CELSR1: variants seen among roughly 807,000 people sequenced by gnomAD.
The protein encoded by CELSR1 is cadherin EGF LAG seven-pass G-type receptor 1.
In CELSR1, 110 loss-of-function variants were observed where a neutral mutation model predicts 249.1. The observed-to-expected ratio is 0.44, with a 90% CI of 0.38 to 0.52. The LOEUF is 0.52. Among genes scored for constraint, CELSR1 ranks in the 20% least tolerant of loss-of-function variants. CELSR1 has a pLI of 0.00. For synonymous variants in CELSR1, 2,113 were observed against 1,900.0 expected (o/e 1.11, Z -2.92); for missense variants, 4,109 against 4,296.4 (o/e 0.96, Z 1.22).
chr22:46,528,100 CAA>C (rs552037712), intron 1 of CELSR1, among the ~76,000 whole-genome samples: 21 of 81,674 alleles, frequency 2.6e-4, no homozygotes, highest in Admixed American at 3.9e-4. Context: ...AAGACTGTCT[CAA>C]AAAAAAAAAA....
chr22:46,399,514 C>T lies in CELSR1; in HGVS notation c.5412+203G>A, dbSNP rs1237453812. 2.0e-5 allele frequency among the ~76,000 whole-genome samples: 3 copies of T among 152,124 alleles called. No individual in the cohort carries two copies. Among genetic ancestry groups the T allele is most frequent in the East Asian group, 1.9e-4 (1 of 5,200 alleles). The stretch of plus-strand genomic sequence containing the variant: ...GAAGTCAGCTGCTGACTGCCGGGGG[C>T]GGGGCATCCGGATGAAGGAGGTGAG... On this transcript the variant is annotated intron_variant, in intron 10 of 34. Transcript: ENST00000674500. This position sits in a 1 kb window ranked among gnomAD's most constrained non-coding sequence, Gnocchi z 5.0.
In CELSR1 at chr22:46,395,341, C is replaced by T. The variant is rs894368606; in HGVS notation, c.5844-1079G>A. On this transcript the variant is annotated intron_variant, in intron 13 of 34. Transcript: ENST00000674500. The surrounding 1 kb of genome is among the most constrained non-coding windows in gnomAD (Gnocchi z 5.5). ...GGTCCTGCCACTTTAGTGCTGGGCCCCCACGGCCTCCACACAGCCGAATTC... is the reference window on the plus strand; with the variant it reads ...GGTCCTGCCACTTTAGTGCTGGGCCTCCACGGCCTCCACACAGCCGAATTC... Among the ~76,000 whole-genome samples, 2 of 152,170 alleles carry T rather than the reference C, an allele frequency of 1.3e-5. No homozygotes were observed. Among genetic ancestry groups the T allele is most frequent in the African/African-American group, 4.8e-5 (2 of 41,438 alleles).
intron 1 of CELSR1, among the ~76,000 whole-genome samples, chr22:46,531,575 T>C (rs183998498): frequency 6.6e-6 from 1 of 152,330 alleles, no homozygotes; most frequent in Admixed American, 6.5e-5. Flanking sequence ...GTCAAAAATG[T>C]TCTCCAAAGG....
Position 46,445,749 on chromosome 22 carries a change from G to A in CELSR1, c.4184-6338C>T, listed in dbSNP as rs1446701365. ...AACCCGGTGCCCCGAGAGCAGCAGC[G>A]CCTGGCTGGCAGAGCCTTTCCCGTC... On this transcript the variant is annotated intron_variant, in intron 2 of 34. Coordinates refer to ENST00000674500, the MANE Select transcript of CELSR1 (RefSeq NM_001378328.1). This position sits in a 1 kb window ranked among gnomAD's most constrained non-coding sequence, Gnocchi z 4.4. 2.0e-5 allele frequency among the ~76,000 whole-genome samples: 3 copies of A among 152,176 alleles called. No individual in the cohort carries two copies. The highest frequency in any genetic ancestry group is 4.8e-5 in the African/African-American group (2 of 41,438).
intron 2 of CELSR1, among the ~76,000 whole-genome samples, chr22:46,460,284 G>C (rs1465514429): frequency 6.6e-6 from 1 of 152,112 alleles, no homozygotes; most frequent in Non-Finnish European, 1.5e-5. Flanking sequence ...CACCCAGCAT[G>C]GGGGTGGACC....
chr22:46,480,037 G>A (rs1311481049), intron 1 of CELSR1, among the ~76,000 whole-genome samples: 1 of 152,166 alleles, frequency 6.6e-6, no homozygotes, highest in Non-Finnish European at 1.5e-5. Context: ...TCCAAATCCA[G>A]TACTTCATAA....
intron 1 of CELSR1, among the ~76,000 whole-genome samples, chr22:46,481,996 C>T (rs1382282987): frequency 6.6e-6 from 1 of 152,194 alleles, no homozygotes; most frequent in African/African-American, 2.4e-5. Flanking sequence ...TGGTCTCGAA[C>T]TCCTGAGCTC....
At chr22:46,421,570 T>C (rs1034241923) in intron 5 of CELSR1, among the ~76,000 whole-genome samples, 4 of 152,032 alleles carry the variant, frequency 2.6e-5, no homozygotes, top group African/African-American at 9.7e-5. Context: ...TCACATCACA[T>C]AGCAGCATCG....
chr22:46,447,204 A>C lies in CELSR1; in HGVS notation c.4184-7793T>G, dbSNP rs1179483151. On this transcript the variant is annotated intron_variant, in intron 2 of 34. Transcript: ENST00000674500. The surrounding 1 kb of genome is among the most constrained non-coding windows in gnomAD (Gnocchi z 4.7). Reference sequence around the variant, plus strand: ...AAGAGATGTGATATGACAGATTTTTAATTCTAAAATCATCTGAAGGTAAAT... The same window carrying C: ...AAGAGATGTGATATGACAGATTTTTCATTCTAAAATCATCTGAAGGTAAAT... 1.3e-5 allele frequency among the ~76,000 whole-genome samples: 2 copies of C among 152,174 alleles called. No individual in the cohort carries two copies. Among genetic ancestry groups the C allele is most frequent in the East Asian group, 3.9e-4 (2 of 5,184 alleles).
chr22:46,523,949 G>A (rs1362568525), intron 1 of CELSR1, among the ~76,000 whole-genome samples: 5 of 152,046 alleles, frequency 3.3e-5, no homozygotes, highest in South Asian at 2.1e-4. Flanking sequence ...TGCCACTGTC[G>A]CCCACCCCCA....
At chr22:46,481,284 T>C in intron 1 of CELSR1, 1 of 470,974 alleles carries the variant, frequency 2.1e-6, no homozygotes, top group Non-Finnish European at 3.9e-6. Context: ...TTATAAAAAA[T>C]ACATTATTGC....
In CELSR1 at chr22:46,445,300, C is replaced by A. The variant is rs2079805752; in HGVS notation, c.4184-5889G>T. Reference sequence around the variant, plus strand: ...CCTGAGGTCAGGAGTTCGAGACCAGCCTGGCCAATGTGACAAAACCCCGTC... The same window carrying A: ...CCTGAGGTCAGGAGTTCGAGACCAGACTGGCCAATGTGACAAAACCCCGTC... On this transcript the variant is annotated intron_variant, in intron 2 of 34. Transcript: ENST00000674500. The surrounding 1 kb of genome is among the most constrained non-coding windows in gnomAD (Gnocchi z 4.4). 2.0e-5 allele frequency among the ~76,000 whole-genome samples: 3 copies of A among 152,110 alleles called. No individual in the cohort carries two copies. In the South Asian group the frequency reaches 6.2e-4, roughly 32 times the overall value.
intron 1 of CELSR1, among the ~76,000 whole-genome samples, chr22:46,494,346 T>C (rs2080394365): frequency 1.3e-5 from 2 of 152,182 alleles, no homozygotes; most frequent in Non-Finnish European, 2.9e-5. Context: ...AGAATCAGAT[T>C]GTCAATTTTT....
Position 46,446,562 on chromosome 22 carries a change from G to A in CELSR1, c.4184-7151C>T, listed in dbSNP as rs2079823200. On this transcript the variant is annotated intron_variant, in intron 2 of 34. Transcript: ENST00000674500. This position sits in a 1 kb window ranked among gnomAD's most constrained non-coding sequence, Gnocchi z 5.5. ...AGCGAGTGCCGAATAAATGCCTGGT[G>A]TGTGCAGGGCATATGCTGAGCACCT... Among the ~76,000 whole-genome samples, 1 of 152,118 alleles carries A rather than the reference G, an allele frequency of 6.6e-6. No homozygotes were observed. Among genetic ancestry groups the A allele is most frequent in the Non-Finnish European group, 1.5e-5 (1 of 68,042 alleles).
In CELSR1 at chr22:46,536,512, G is replaced by C; in HGVS notation, c.659C>G (p.Pro220Arg). Residue 220 changes from proline (P) to arginine (R), a missense_variant, in exon 1 of 35, where the codon CCG becomes CGG. Around this residue, in one of 7 missense-constraint regions of CELSR1, gnomAD observed 673 missense variants for 636.8 expected, o/e 1.06. Coordinates refer to ENST00000674500, the MANE Select transcript of CELSR1 (RefSeq NM_001378328.1). The stretch of plus-strand genomic sequence containing the variant: ...CCCCGCCCGGGCTTCGGGCAAGTTC[G>C]GCGGCAGGGGCGGCGATGGGGATGG... Reference protein sequence around the residue: ...ASPSPSPPLPPNLPEARAGPA... With the variant: ...ASPSPSPPLPRNLPEARAGPA... 2.0e-6 allele frequency: 3 copies of C among 1,496,458 alleles called. No homozygotes were observed. The highest frequency in any genetic ancestry group is 2.7e-6 in the Non-Finnish European group (3 of 1,127,728). 92.7% of individuals were successfully genotyped at this position (1,496,458 alleles called of 1,614,324 possible).
intron 1 of CELSR1, among the ~76,000 whole-genome samples, chr22:46,483,378 T>C (rs920311959): frequency 2.1e-5 from 3 of 145,726 alleles, no homozygotes; most frequent in Admixed American, 1.4e-4. Context: ...AAACATGCTA[T>C]TCCTGACTTT....
intron 1 of CELSR1, among the ~76,000 whole-genome samples, chr22:46,529,885 T>C (rs944285542): frequency 1.6e-4 from 24 of 151,900 alleles, no homozygotes; most frequent in African/African-American, 5.3e-4. Flanking sequence ...CATTCAAAAA[T>C]AACTAAAAGA....
chr22:46,469,990 G>GGGAGGGAGGA (rs1569186659), intron 1 of CELSR1, among the ~76,000 whole-genome samples: 1 of 120,052 alleles, frequency 8.3e-6, no homozygotes. Context: ...GAGGAGGGGA[G>GGGAGGGAGGA]GGAGGGAGGG....
chr22:46,525,757 A>G (rs2080732455), intron 1 of CELSR1, among the ~76,000 whole-genome samples: 1 of 152,240 alleles, frequency 6.6e-6, no homozygotes, highest in African/African-American at 2.4e-5. Flanking sequence ...CAGGGGCCCC[A>G]GACCCCATCT....
Sources: allele counts gnomAD v4.1 joint callset (sites outside exome capture counted in the v4.1 genomes callset), GRCh38; gene constraint gnomAD v4.1.1; regional missense constraint gnomAD v4.1.1; non-coding constraint Gnocchi (gnomAD v3.1); transcripts MANE v1.5; gene names NCBI Gene and HGNC (gene_info 2026-07-23, HGNC 2026-07-21).